Variants in SFMBT2 observed in about 807,000 individuals in gnomAD.
The protein encoded by SFMBT2 is Scm like with four mbt domains 2.
SFMBT2 carries 38 observed loss-of-function variants against 110.1 expected under a neutral mutation model. The observed-to-expected ratio is 0.35, with a 90% CI of 0.27 to 0.45. The LOEUF (loss-of-function observed/expected upper bound fraction) is 0.45. Among genes scored for constraint, SFMBT2 ranks in the 20% least tolerant of loss-of-function variants. SFMBT2 has a pLI of 1.00. For missense variants in SFMBT2, 1,011 were observed against 1,094.9 expected, an observed-to-expected ratio of 0.92 and a Z score of 1.08; for synonymous variants, 425 against 425.4, an observed-to-expected ratio of 1.00 and a Z score of 0.01.
At chr10:7,402,136 G>A (rs559612242) in intron 1 of SFMBT2, among the ~76,000 whole-genome samples, 1 of 150,176 alleles carries the variant, frequency 6.7e-6, no homozygotes, top group East Asian at 2.0e-4. Flanking sequence ...AAGCCCACCT[G>A]GAAAGAAATG....
At chr10:7,239,389 C>T (rs930664673) in intron 9 of SFMBT2, among the ~76,000 whole-genome samples, 1 of 152,098 alleles carries the variant, frequency 6.6e-6, no homozygotes, top group African/African-American at 2.4e-5. Flanking sequence ...TTTAAAAAAG[C>T]TTCTACTTGC....
chr10:7,228,738 T>TTCTCTCTCTCTCTC (rs56871421), intron 9 of SFMBT2, among the ~76,000 whole-genome samples: 2 of 62,550 alleles, frequency 3.2e-5, no homozygotes, highest in South Asian at 5.7e-4. Context: ...TTTCTTTCCT[T>TTCTCTCTCTCTCTC]TCTCTCTCTC....
rs908401869 is a variant in SFMBT2 at position 7,172,915 on chromosome 10, C to T, written c.1985-254G>A. On this transcript the variant is annotated intron_variant, in intron 17 of 20. Coordinates refer to ENST00000397167, the MANE Select transcript of SFMBT2 (RefSeq NM_001387889.1). The surrounding 1 kb of genome is among the most constrained non-coding windows in gnomAD (Gnocchi z 4.6). The stretch of plus-strand genomic sequence containing the variant: ...CCAAAGTGAGTGTATCTGGATGTCC[C>T]GAACCCCCAAAGTGAGTGTACAAGG... 3.3e-5 allele frequency among the ~76,000 whole-genome samples: 5 copies of T among 152,074 alleles called. No homozygotes were observed. Among genetic ancestry groups the T allele is most frequent in the Non-Finnish European group, 5.9e-5 (4 of 68,020 alleles).
In SFMBT2 at chr10:7,279,552, T is replaced by C. The variant is rs548337490; in HGVS notation, c.773-2563A>G. Among the ~76,000 whole-genome samples, 13 of 152,354 alleles carry C rather than the reference T, an allele frequency of 8.5e-5. 1 individual carries two copies. The highest frequency in any genetic ancestry group is 3.9e-4 in the East Asian group (2 of 5,188). On this transcript the variant is annotated intron_variant, in intron 6 of 20. Coordinates refer to ENST00000397167, the MANE Select transcript of SFMBT2 (RefSeq NM_001387889.1). Reference sequence around the variant, plus strand: ...CATGCTGGTTATACTAGCAAGTTAATGGACAATAAATAGTACCATTCAAAG... The same window carrying C: ...CATGCTGGTTATACTAGCAAGTTAACGGACAATAAATAGTACCATTCAAAG...
At chr10:7,279,465 T>C (rs1335281214) in intron 6 of SFMBT2, among the ~76,000 whole-genome samples, 4 of 152,188 alleles carry the variant, frequency 2.6e-5, no homozygotes, top group Non-Finnish European at 4.4e-5. Flanking sequence ...AACTGCAGTT[T>C]TGACAGCCTG....
chr10:7,224,543 A>C (rs1443075160), intron 10 of SFMBT2, among the ~76,000 whole-genome samples: 1 of 152,140 alleles, frequency 6.6e-6, no homozygotes. Flanking sequence ...AAAGTCTGAA[A>C]AAAATGGGAC....
chr10:7,175,986 T>G lies in SFMBT2; in HGVS notation c.1984+4A>C. 6.2e-7 allele frequency: 1 copy of G among 1,610,872 alleles called. No individual in the cohort carries two copies. Among genetic ancestry groups the G allele is most frequent in the South Asian group, 1.1e-5 (1 of 90,884 alleles). ...GCATTTCTTTTTTCATTATTTGTAC[T>G]TACTGTATTTGGTTTTGGTATGAAT... On this transcript the variant is annotated splice_donor_region_variant and intron_variant, in intron 17 of 20. Coordinates refer to ENST00000397167, the MANE Select transcript of SFMBT2 (RefSeq NM_001387889.1).
intron 2 of SFMBT2, among the ~76,000 whole-genome samples, chr10:7,376,788 G>A (rs1278759194): frequency 7.7e-6 from 1 of 129,084 alleles, no homozygotes; most frequent in Non-Finnish European, 1.6e-5. Flanking sequence ...GCCAGCTGAA[G>A]TCTTCCTTCT....
At chr10:7,183,607 G>C (rs925823433) in intron 16 of SFMBT2, among the ~76,000 whole-genome samples, 1 of 152,082 alleles carries the variant, frequency 6.6e-6, no homozygotes, top group African/African-American at 2.4e-5. Context: ...TCCCTCTTTG[G>C]GGGCAGCTTC....
chr10:7,198,697 T>C (rs1838854437), intron 14 of SFMBT2, among the ~76,000 whole-genome samples: 1 of 152,214 alleles, frequency 6.6e-6, no homozygotes, highest in Non-Finnish European at 1.5e-5. Flanking sequence ...CTGATCTTGC[T>C]GTCTCCAATG....
At chr10:7,279,203 G>A (rs936606042) in intron 6 of SFMBT2, among the ~76,000 whole-genome samples, 1 of 152,174 alleles carries the variant, frequency 6.6e-6, no homozygotes, top group Non-Finnish European at 1.5e-5. Flanking sequence ...TGGCCCCAGT[G>A]GGGTTGCCTG....
intron 17 of SFMBT2, 23 bp downstream of exon 17, chr10:7,175,967 C>A (rs1838040765): frequency 6.3e-7 from 1 of 1,598,246 alleles, no homozygotes; most frequent in Admixed American, 1.7e-5. Flanking sequence ...TCATGCATTT[C>A]TTTTTTCATT....
At position 7,304,191 on chromosome 10, in the gene SFMBT2, G is replaced by A. The variant is rs902879432; in HGVS notation, c.437-18237C>T. Among the ~76,000 whole-genome samples the A allele has an allele frequency of 5.3e-5, 8 of 152,284 alleles. No homozygotes were observed. In the East Asian group the frequency reaches 1.2e-3, roughly 22 times the overall value. On this transcript the variant is annotated intron_variant, in intron 4 of 20. Transcript: ENST00000397167. ...ACTTGTGTCTTGGGAGGGACCCACT[G>A]GGAGGTAACTGAATCGTGGGGTGGG... is the stretch of plus-strand genomic sequence containing the variant.
intron 15 of SFMBT2, among the ~76,000 whole-genome samples, chr10:7,196,469 T>C (rs994920199): frequency 6.6e-6 from 1 of 152,138 alleles, no homozygotes; most frequent in Non-Finnish European, 1.5e-5. Flanking sequence ...TGCCATATAT[T>C]TGTCCTGCAC....
intron 4 of SFMBT2, among the ~76,000 whole-genome samples, chr10:7,348,881 A>C (rs1043346065): frequency 6.6e-6 from 1 of 152,208 alleles, no homozygotes; most frequent in African/African-American, 2.4e-5. Flanking sequence ...CTGCAGCCTC[A>C]GGCTCTCAGG....
intron 1 of SFMBT2, among the ~76,000 whole-genome samples, chr10:7,387,268 G>A (rs1321951798): frequency 1.3e-5 from 2 of 152,152 alleles, no homozygotes; most frequent in African/African-American, 4.8e-5. Flanking sequence ...CAAATTCTAA[G>A]ACACATACAA....
chr10:7,257,123 G>GAGGGGAGGGGAGAGGAAAGA (rs1288833965), intron 7 of SFMBT2, among the ~76,000 whole-genome samples: 5 of 129,234 alleles, frequency 3.9e-5, no homozygotes, highest in Admixed American at 8.3e-5. Context: ...GAGGGGAGGG[G>GAGGGGAGGGGAGAGGAAAGA]AAAGAAAAGA....
At chr10:7,404,113 C>G (rs1323707744) in intron 1 of SFMBT2, among the ~76,000 whole-genome samples, 1 of 152,164 alleles carries the variant, frequency 6.6e-6, no homozygotes, top group African/African-American at 2.4e-5. Flanking sequence ...GCTTCTTAAA[C>G]ATCTAAAAAT....
intron 6 of SFMBT2, among the ~76,000 whole-genome samples, chr10:7,279,858 T>C (rs1841899434): frequency 6.6e-6 from 1 of 152,166 alleles, no homozygotes. Context: ...CCAAAAAACT[T>C]CTATGTCCTT....
Sources: gnomAD v4.1 joint callset for allele counts (sites outside exome capture counted in the v4.1 genomes callset) on GRCh38, gnomAD v4.1.1 for gene constraint, Gnocchi (gnomAD v3.1) non-coding constraint, MANE v1.5 for transcripts, NCBI Gene and HGNC (gene_info 2026-07-23, HGNC 2026-07-21) for gene names.